The following GP6 variants were observed in gnomAD, a reference collection of about 807,000 sequenced individuals.
GP6 encodes the protein platelet glycoprotein VI.
In GP6, 45 loss-of-function variants were observed where a neutral mutation model predicts 37.3. The ratio of observed to expected loss-of-function variants is 1.21; its 90% CI spans 0.95 to 1.55. The LOEUF (loss-of-function observed/expected upper bound fraction) is 1.55, where lower values mean the gene tolerates loss of function less well. Ranked by LOEUF, GP6 falls within the 40% of genes most tolerant of loss-of-function variation. The pLI is 0.00. For synonymous variants in GP6, 340 were observed against 316.4 expected (o/e 1.07, Z -0.79); for missense variants, 813 against 760.2 (o/e 1.07, Z -0.82).
chr19:55,024,291 T>TGCACACACACACACAC (rs1568612580), intron 5 of GP6, among the ~76,000 whole-genome samples: 6 of 113,468 alleles, frequency 5.3e-5, no homozygotes, highest in East Asian at 2.3e-4. Flanking sequence ...CACACACATA[T>TGCACACACACACACAC]GCACGCATGC....
chr19:55,032,697 G>A (rs1415419141), intron 1 of GP6, 159 bp from the exon 2 acceptor site: 7 of 802,412 alleles, frequency 8.7e-6, no homozygotes, highest in Admixed American at 2.0e-5. Context: ...AGAGAAACCG[G>A]TCAGAAAAAG....
intron 5 of GP6, among the ~76,000 whole-genome samples, chr19:55,021,074 G>A (rs1245614176): frequency 8.2e-6 from 1 of 122,438 alleles, no homozygotes; most frequent in Non-Finnish European, 1.8e-5. Context: ...AAAAAAAAAG[G>A]TGGCCCTGGT....
intron 5 of GP6, among the ~76,000 whole-genome samples, chr19:55,021,551 T>A (rs79106061): frequency 7.7e-6 from 1 of 129,206 alleles, no homozygotes; most frequent in South Asian, 2.6e-4. Flanking sequence ...GATGGAGTCT[T>A]GCTCTGTCGC....
intron 1 of GP6, chr19:55,032,899 G>A (rs1250047958): frequency 1.9e-4 from 77 of 415,328 alleles, no homozygotes; most frequent in African/African-American, 1.4e-3. Flanking sequence ...GGACTCGTTC[G>A]TGTTAGACAC....
chr19:55,037,413 C>T (rs1314631567), intron 1 of GP6, among the ~76,000 whole-genome samples: 3 of 151,404 alleles, frequency 2.0e-5, no homozygotes, highest in African/African-American at 4.9e-5. Context: ...TCTTGGCTCA[C>T]CGCAACCTCC....
rs1250096456 is a variant in GP6, at chr19:55,038,227, A to G, written c.10T>C (p.Ser4Pro). The G allele has an allele frequency of 1.1e-5, 17 of 1,589,614 alleles. No homozygotes were observed. The highest frequency in any genetic ancestry group is 1.5e-5 in the Non-Finnish European group (17 of 1,167,052). ...CCAAGACAGAAGAGGGCGGTCGGGG[A>G]TGGAGACATGGTTCCTCAGCCCTGT... Residue 4 changes from serine (S) to proline (P), a missense_variant, in exon 1 of 8, where the codon TCC (serine) becomes CCC (proline). By Grantham distance (74) the Ser-to-Pro change is moderately conservative. Coordinates refer to ENST00000310373, the MANE Select transcript of GP6 (RefSeq NM_001083899.2).
intron 1 of GP6, among the ~76,000 whole-genome samples, chr19:55,034,460 T>G (rs200556610): frequency 3.6e-4 from 55 of 150,834 alleles, no homozygotes; most frequent in East Asian, 7.9e-4. Context: ...GGAGGCTGAG[T>G]CAGGAGAATC....
At chr19:55,018,613 C>T (rs770302500) in intron 6 of GP6, 39 bp downstream of exon 6, 2 of 1,156,992 alleles carry the variant, frequency 1.7e-6, no homozygotes, top group Non-Finnish European at 2.6e-6. Flanking sequence ...TCCGTCCTCA[C>T]ACTCCTTTCT....
In GP6 at chr19:55,014,652, T is replaced by C; in HGVS notation, c.1293A>G (p.Thr431=). 6.2e-7 allele frequency: 1 copy of C among 1,614,076 alleles called. No individual in the cohort carries two copies. Among genetic ancestry groups the C allele is most frequent in the South Asian group, 1.1e-5 (1 of 91,084 alleles). The change falls in exon 8 of 8, where the codon ACA becomes ACG. Residue 431 remains threonine (T), a synonymous_variant. Coordinates refer to ENST00000310373, the MANE Select transcript of GP6 (RefSeq NM_001083899.2). Reference sequence around the variant, plus strand: ...AGTATGTGGTCCAGCCAGGGTACCATGTCATCCACAGTGTGCAGGGAGGAG... The same window carrying C: ...AGTATGTGGTCCAGCCAGGGTACCACGTCATCCACAGTGTGCAGGGAGGAG...
At chr19:55,027,501 T>C (rs367744371) in intron 4 of GP6, 77 bp downstream of exon 4, 2 of 1,222,898 alleles carry the variant, frequency 1.6e-6, no homozygotes, top group African/African-American at 3.0e-5. Context: ...TCCTTCCCAC[T>C]TATGGCCCCT....
chr19:55,032,606 G>C, intron 1 of GP6, 68 bp from the exon 2 acceptor site: 1 of 1,514,342 alleles, frequency 6.6e-7, no homozygotes, highest in African/African-American at 1.4e-5. Flanking sequence ...TGCTGGGCGC[G>C]GTGATAAGAC....
intron 4 of GP6, among the ~76,000 whole-genome samples, chr19:55,026,496 G>GTCAGAATT (rs1341582893): frequency 6.6e-6 from 1 of 152,164 alleles, no homozygotes; most frequent in Non-Finnish European, 1.5e-5. Flanking sequence ...TGTAGTATGT[G>GTCAGAATT]TCAGAATTTC....
chr19:55,032,955 C>CGCGGTGGGCTCGTTCGTGTT (rs1568640978), intron 1 of GP6: 3,746 of 216,726 alleles, frequency 0.017, 744 homozygotes, highest in Middle Eastern at 0.037. Context: ...TCGTGTTAGA[C>CGCGGTGGGCTCGTTCGTGTT]ACGGTGGACT....
chr19:55,015,609 C>T (rs376080790), intron 7 of GP6, 74 bp downstream of exon 7: 64 of 894,010 alleles, frequency 7.2e-5, no homozygotes, highest in Non-Finnish European at 9.1e-5. Context: ...GCAGCCCCTG[C>T]GTAGACAAAG....
intron 6 of GP6, among the ~76,000 whole-genome samples, chr19:55,018,399 C>T (rs750354812): frequency 2.0e-5 from 3 of 152,192 alleles, no homozygotes; most frequent in Admixed American, 6.5e-5. Flanking sequence ...GGGAGCAGTG[C>T]GTAGGGATGG....
At chr19:55,035,795 C>G (rs1038622533) in intron 1 of GP6, among the ~76,000 whole-genome samples, 2 of 152,146 alleles carry the variant, frequency 1.3e-5, no homozygotes, top group Non-Finnish European at 2.9e-5. Flanking sequence ...TGTCTTTTGG[C>G]CAGGCACAGT....
intron 6 of GP6, among the ~76,000 whole-genome samples, chr19:55,016,511 G>T (rs1333990456): frequency 6.6e-6 from 1 of 151,640 alleles, no homozygotes; most frequent in Non-Finnish European, 1.5e-5. Context: ...GAGTAGCTGG[G>T]ACTACAGGCG....
At chr19:55,032,060 C>A in intron 3 of GP6, 79 bp downstream of exon 3, 1 of 1,439,578 alleles carries the variant, frequency 6.9e-7, no homozygotes, top group Non-Finnish European at 9.6e-7. Flanking sequence ...TCACCCTAAT[C>A]CCTGCCCTCA....
At chr19:55,034,104 G>A (rs2074720722) in intron 1 of GP6, among the ~76,000 whole-genome samples, 1 of 149,982 alleles carries the variant, frequency 6.7e-6, no homozygotes, top group Non-Finnish European at 1.5e-5. Flanking sequence ...ATATACACGT[G>A]TGTACATACA....
Sources: allele counts gnomAD v4.1 joint callset (sites outside exome capture counted in the v4.1 genomes callset), GRCh38; gene constraint gnomAD v4.1.1; transcripts MANE v1.5; gene names NCBI Gene and HGNC (gene_info 2026-07-23, HGNC 2026-07-21).